Variants in ADD2 observed in about 807,000 individuals in gnomAD.
The protein encoded by ADD2 is beta-adducin.
In ADD2, 23 loss-of-function variants were observed where a neutral mutation model predicts 83.0. The observed-to-expected ratio is 0.28, with a 90% CI of 0.20 to 0.39. The LOEUF is 0.39. Among genes scored for constraint, ADD2 ranks in the 10% least tolerant of loss-of-function variants. The pLI is 1.00. For synonymous variants in ADD2, 375 were observed against 375.4 expected, an observed-to-expected ratio of 1.00 and a Z score of 0.01; for missense variants, 758 against 944.9, an observed-to-expected ratio of 0.80 and a Z score of 2.59.
chr2:70,686,895 G>A (rs1192652478), intron 9 of ADD2, among the ~76,000 whole-genome samples: 1 of 152,170 alleles, frequency 6.6e-6, no homozygotes, highest in African/African-American at 2.4e-5. Flanking sequence ...AGGTCCCACT[G>A]CAGAGCCTCC....
chr2:70,730,747 A>T (rs1451508682), intron 1 of ADD2, among the ~76,000 whole-genome samples: 1 of 152,232 alleles, frequency 6.6e-6, no homozygotes, highest in Non-Finnish European at 1.5e-5. Context: ...GTCCCATATG[A>T]TTATAATACT....
At chr2:70,721,531 A>G (rs182140783) in intron 1 of ADD2, among the ~76,000 whole-genome samples, 128 of 152,318 alleles carry the variant, frequency 8.4e-4, no homozygotes, top group African/African-American at 2.9e-3. Flanking sequence ...TTTTCTCAAG[A>G]TATTTCTAAT....
rs782786448 is a variant in ADD2 at position 70,690,773 on chromosome 2, G to T, written c.849+13C>A. 7.5e-6 allele frequency: 12 copies of T among 1,607,870 alleles called. No homozygotes were observed. Among genetic ancestry groups the T allele is most frequent in the Admixed American group, 1.7e-5 (1 of 58,840 alleles). Reference sequence around the variant, plus strand: ...GCCACTCTAGATTATTGTCCCAGAAGAGCTAAGCTAACCTTGCAGGTGGGT... The same window carrying T: ...GCCACTCTAGATTATTGTCCCAGAATAGCTAAGCTAACCTTGCAGGTGGGT... On this transcript the variant is annotated intron_variant, in intron 8 of 15. Transcript: ENST00000264436.
intron 1 of ADD2, among the ~76,000 whole-genome samples, chr2:70,766,621 A>G (rs1675396893): frequency 6.6e-6 from 1 of 152,244 alleles, no homozygotes; most frequent in Non-Finnish European, 1.5e-5. Context: ...CCCTCACTGC[A>G]CAAGTTAAAC....
At chr2:70,701,765 TAAAG>T (rs1432683756) in intron 4 of ADD2, among the ~76,000 whole-genome samples, 4 of 152,240 alleles carry the variant, frequency 2.6e-5, no homozygotes, top group South Asian at 2.1e-4. Context: ...ATAGAATGGA[TAAAG>T]ATTCACTTAA....
Position 70,672,908 on chromosome 2 carries a change from G to C in ADD2, c.1840C>G (p.Pro614Ala). The change falls in exon 15 of 16, where the codon CCT becomes GCT. Residue 614 changes from proline (P) to alanine (A), a missense_variant. Physicochemically the swap from Pro to Ala is conservative, Grantham distance 27. Transcript: ENST00000264436. ...AAAGACTTGGAAGGAGAGACTAAAG[G>C]GCTCTTTGTCTCTGCCTCCTTCGCT... Reference protein sequence around the residue: ...SPAKEAETKSPLVSPSKSLEE... With the variant: ...SPAKEAETKSALVSPSKSLEE... 6.2e-7 allele frequency: 1 copy of C among 1,613,234 alleles called. No individual in the cohort carries two copies.
intron 4 of ADD2, among the ~76,000 whole-genome samples, chr2:70,698,898 C>A (rs1467463287): frequency 1.3e-5 from 2 of 152,156 alleles, no homozygotes; most frequent in African/African-American, 4.8e-5. Flanking sequence ...TAAGGGCACA[C>A]TGATGCTCAA....
intron 15 of ADD2, among the ~76,000 whole-genome samples, chr2:70,669,383 G>A (rs1305959564): frequency 6.6e-6 from 1 of 152,102 alleles, no homozygotes; most frequent in Non-Finnish European, 1.5e-5. Flanking sequence ...GATACAAAAG[G>A]CCCATTAGCC....
In ADD2 at chr2:70,672,744, T is replaced by G. The variant is rs1051765383; in HGVS notation, c.1870+134A>C. On this transcript the variant is annotated intron_variant, in intron 15 of 15. Coordinates refer to ENST00000264436, the MANE Select transcript of ADD2 (RefSeq NM_001617.4). ...AAACAACATGAAACTTGATAACCCC[T>G]ATTTCTGATTTCCTAGAAATAGCAG... 3.5e-5 allele frequency: 36 copies of G among 1,034,426 alleles called. No homozygotes were observed. The African/African-American group carries it at 5.3e-4, about 15-fold the overall frequency. 64.1% of individuals were successfully genotyped at this position (1,034,426 alleles called of 1,614,324 possible).
intron 1 of ADD2, among the ~76,000 whole-genome samples, chr2:70,716,619 A>G (rs1553376393): frequency 6.6e-6 from 1 of 152,170 alleles, no homozygotes; most frequent in Non-Finnish European, 1.5e-5. Flanking sequence ...GGTGCCAGTT[A>G]GGTGCTGAAC....
intron 10 of ADD2, among the ~76,000 whole-genome samples, chr2:70,683,199 AT>A (rs200641247): frequency 6.7e-6 from 1 of 149,898 alleles, no homozygotes; most frequent in African/African-American, 2.5e-5. Context: ...AATTTTTTGT[AT>A]TTTTTTTTAG....
intron 1 of ADD2, among the ~76,000 whole-genome samples, chr2:70,721,537 C>G (rs1672731274): frequency 6.6e-6 from 1 of 152,194 alleles, no homozygotes; most frequent in African/African-American, 2.4e-5. Context: ...CAAGATATTT[C>G]TAATTGTTTT....
chr2:70,749,004 G>A (rs940478958), intron 1 of ADD2, among the ~76,000 whole-genome samples: 4 of 152,122 alleles, frequency 2.6e-5, no homozygotes, highest in African/African-American at 4.8e-5. Context: ...GTATTAGTCC[G>A]TTCTCATGTT....
Position 70,767,981 on chromosome 2 carries a change from C to T in ADD2, c.-249G>A. ...GGGTGGGGTGCGCTTAAAAAATCCA[C>T]CCAGCTAATCTGCAGGGCAGCGTTT... On this transcript the variant is annotated 5_prime_UTR_variant, in exon 1 of 16. The change creates a new upstream start codon in the 5' untranslated region. Coordinates refer to ENST00000264436, the MANE Select transcript of ADD2 (RefSeq NM_001617.4). 6.5e-7 allele frequency: 1 copy of T among 1,534,630 alleles called. No individual in the cohort carries two copies. Among genetic ancestry groups the T allele is most frequent in the African/African-American group, 1.4e-5 (1 of 73,114 alleles).
chr2:70,669,011 TAG>T (rs1669791542), intron 15 of ADD2, among the ~76,000 whole-genome samples: 1 of 151,988 alleles, frequency 6.6e-6, no homozygotes, highest in South Asian at 2.1e-4. Flanking sequence ...CACCATTGCA[TAG>T]AGAGGTCATA....
chr2:70,713,790 G>A (rs1208852452), intron 1 of ADD2, among the ~76,000 whole-genome samples: 2 of 152,060 alleles, frequency 1.3e-5, no homozygotes, highest in Admixed American at 6.5e-5. Context: ...CCCAGACGTG[G>A]TGGCGAGTTG....
chr2:70,678,696 C>G lies in ADD2; in HGVS notation c.1383+8G>C. ...CTCTGCCCGGGTCTGTCCTGGGCTC[C>G]CCCTTACCGTGGTCTTGGGTCGGGG... On this transcript the variant is annotated splice_region_variant and intron_variant, in intron 11 of 15. Transcript: ENST00000264436. The G allele has an allele frequency of 6.5e-7, 1 of 1,545,672 alleles. No individual in the cohort carries two copies. The highest frequency in any genetic ancestry group is 8.7e-7 in the Non-Finnish European group (1 of 1,146,338).
At chr2:70,746,440 T>C (rs982585657) in intron 1 of ADD2, among the ~76,000 whole-genome samples, 1 of 152,250 alleles carries the variant, frequency 6.6e-6, no homozygotes, top group South Asian at 2.1e-4. Context: ...GGAACATTCA[T>C]GGGACCAGGC....
At chr2:70,726,673 G>A (rs1388976354) in intron 1 of ADD2, among the ~76,000 whole-genome samples, 2 of 152,116 alleles carry the variant, frequency 1.3e-5, no homozygotes, top group African/African-American at 2.4e-5. Flanking sequence ...TTTTATGGGC[G>A]AAAAACACTT....
Sources: allele counts gnomAD v4.1 joint callset (sites outside exome capture counted in the v4.1 genomes callset), GRCh38; gene constraint gnomAD v4.1.1; transcripts MANE v1.5; gene names NCBI Gene and HGNC (gene_info 2026-07-23, HGNC 2026-07-21).